CROCC2: variants seen among roughly 807,000 people sequenced by gnomAD.
The protein encoded by CROCC2 is ciliary rootlet coiled-coil, rootletin family member 2.
A neutral mutation model predicts 177.6 loss-of-function variants in CROCC2; 163 were observed. The observed-to-expected ratio is 0.92, with a 90% confidence interval of 0.81 to 1.05. The LOEUF (loss-of-function observed/expected upper bound fraction) is 1.05, where lower values mean the gene tolerates loss of function less well. Ranked by LOEUF, CROCC2 falls within the 50% of genes least tolerant of loss-of-function variation. The pLI, the probability that CROCC2 is intolerant of heterozygous loss-of-function variation, is 0.00. For missense variants in CROCC2, 1,929 were observed against 1,797.8 expected (o/e 1.07, Z -1.32); for synonymous variants, 904 against 787.3 (o/e 1.15, Z -2.48).
intron 14 of CROCC2, among the ~76,000 whole-genome samples, chr2:240,945,446 CT>C (rs1487949572): frequency 6.6e-6 from 1 of 152,198 alleles, no homozygotes; most frequent in Non-Finnish European, 1.5e-5. Flanking sequence ...GCTCTGAACC[CT>C]AACTTTTGTC....
In CROCC2 at chr2:240,959,459, T is replaced by C. The variant is rs915097309; in HGVS notation, c.3087+15T>C. The C allele has an allele frequency of 7.8e-6, 12 of 1,548,208 alleles. No individual in the cohort carries two copies. Among genetic ancestry groups the C allele is most frequent in the Non-Finnish European group, 1.0e-5 (12 of 1,145,862 alleles). On this transcript the variant is annotated intron_variant, in intron 20 of 31. Coordinates refer to ENST00000690015, the MANE Select transcript of CROCC2 (RefSeq NM_001351305.2). Reference sequence around the variant, plus strand: ...TGGAGAGAGAGGTGAGAGGCAGGGCTGGGGGGCTCCTGGGGATGCCAGAGG... The same window carrying C: ...TGGAGAGAGAGGTGAGAGGCAGGGCCGGGGGGCTCCTGGGGATGCCAGAGG...
chr2:240,920,233 G>A (rs985888279), intron 3 of CROCC2, 99 bp downstream of exon 3: 17 of 583,906 alleles, frequency 2.9e-5, no homozygotes, highest in African/African-American at 3.8e-5. Flanking sequence ...TGGGACCATC[G>A]GCAATTTCTA....
intron 27 of CROCC2, among the ~76,000 whole-genome samples, chr2:240,975,090 G>C (rs546792759): frequency 6.6e-6 from 1 of 152,276 alleles, no homozygotes; most frequent in African/African-American, 2.4e-5. Flanking sequence ...GATGTGTTTA[G>C]AGAATACTGG....
In CROCC2 at chr2:240,917,276, C is replaced by T. The variant is rs1444370023; in HGVS notation, c.79-1450C>T. 2.2e-5 allele frequency among the ~76,000 whole-genome samples: 3 copies of T among 136,170 alleles called. No individual in the cohort carries two copies. Among genetic ancestry groups the T allele is most frequent in the Non-Finnish European group, 3.0e-5 (2 of 67,734 alleles). The allele number at this position is 136,170 out of a possible 152,430, so 89.3% of individuals were successfully genotyped here. On this transcript the variant is annotated intron_variant, in intron 1 of 31. Transcript: ENST00000690015. The surrounding 1 kb of genome is among the most constrained non-coding windows in gnomAD (Gnocchi z 4.9). ...AGGCGCCATGCTGAGCCTGGGTCTG[C>T]GGTGACTCTCCAACCCCGGCGAGGG...
At chr2:240,986,704 C>T (rs960890699) in intron 28 of CROCC2, among the ~76,000 whole-genome samples, 1 of 152,226 alleles carries the variant, frequency 6.6e-6, no homozygotes, top group Non-Finnish European at 1.5e-5. Context: ...AGCCCCTTGT[C>T]CCTCTGCTGT....
In CROCC2 at chr2:240,933,670, G is replaced by C; in HGVS notation, c.1464G>C (p.Arg488Ser). 1 of 1,550,086 alleles carries C rather than the reference G, an allele frequency of 6.5e-7. No individual in the cohort carries two copies. The highest frequency in any genetic ancestry group is 8.7e-7 in the Non-Finnish European group (1 of 1,146,652). The change falls in exon 11 of 32, where the codon AGG becomes AGC. Residue 488 changes from arginine (R) to serine (S), a missense_variant and splice_region_variant. Transcript: ENST00000690015. ...QCRASCKLLG[R>S]EKAALEMVVE... Reference sequence around the variant, plus strand: ...CCAACTCTGCCCCCACCATCCCCAGGGAGAAGGCTGCTCTGGAGATGGTGG... The same window carrying C: ...CCAACTCTGCCCCCACCATCCCCAGCGAGAAGGCTGCTCTGGAGATGGTGG...
At chr2:240,955,595 G>T (rs562753444) in intron 18 of CROCC2, 1 of 447,586 alleles carries the variant, frequency 2.2e-6, no homozygotes. Flanking sequence ...CCCCAGGGAC[G>T]TGCCCAAGTG....
rs1387065306 is a variant in CROCC2, at chr2:240,973,180, CAT to C, written c.4401+4921_4401+4922del. 2.0e-5 allele frequency among the ~76,000 whole-genome samples: 3 copies of C among 152,224 alleles called. No homozygotes were observed. The highest frequency in any genetic ancestry group is 7.2e-5 in the African/African-American group (3 of 41,442). On this transcript the variant is annotated intron_variant, in intron 27 of 31. Transcript: ENST00000690015. This position sits in a 1 kb window ranked among gnomAD's most constrained non-coding sequence, Gnocchi z 4.7. ...TTGTCAAGAGAAAGTTAATTAAAAA[CAT>C]ATTTTTCTAATTAAATGGTAGGCTG...
intron 4 of CROCC2, among the ~76,000 whole-genome samples, chr2:240,923,003 G>A (rs2059366534): frequency 6.6e-6 from 1 of 152,092 alleles, no homozygotes; most frequent in Non-Finnish European, 1.5e-5. Context: ...GCCTCTGAGA[G>A]CGGCTCAGCA....
At chr2:240,967,999 C>T (rs2059694960) in intron 26 of CROCC2, 130 bp from the exon 27 acceptor site, 7 of 1,009,704 alleles carry the variant, frequency 6.9e-6, no homozygotes, top group African/African-American at 1.7e-5. Context: ...CCCCAGGACC[C>T]TTGAGCTGCA....
chr2:240,976,228 C>G (rs111922498), intron 27 of CROCC2, among the ~76,000 whole-genome samples: 7 of 123,632 alleles, frequency 5.7e-5, no homozygotes, highest in East Asian at 2.7e-4. Context: ...AGCCCAGGCT[C>G]ATCCCTGCTC....
chr2:240,946,196 A>T lies in CROCC2; in HGVS notation c.2306A>T (p.Lys769Met). 1 of 1,547,504 alleles carries T rather than the reference A, an allele frequency of 6.5e-7. No individual in the cohort carries two copies. The highest frequency in any genetic ancestry group is 8.7e-7 in the Non-Finnish European group (1 of 1,144,380). ...LSEERAQLLAKQEALERQGRL... is the reference protein window; with the variant it reads ...LSEERAQLLAMQEALERQGRL... ...GAGGAGCGGGCCCAGCTGCTGGCCA[A>T]GCAGGAGGCCTTGGAGAGGCAGGGC... The change falls in exon 15 of 32, where the codon AAG becomes ATG. Residue 769 changes from lysine to methionine, a missense_variant. By Grantham distance (95) the Lys-to-Met change is moderately conservative (BLOSUM62 -1). This residue lies in a region of CROCC2 where 1,397 missense variants were observed against 1,239.9 expected (regional missense o/e 1.13). Coordinates refer to ENST00000690015, the MANE Select transcript of CROCC2 (RefSeq NM_001351305.2).
intron 8 of CROCC2, 37 bp from the exon 9 acceptor site, chr2:240,932,665 C>A: frequency 1.4e-6 from 1 of 721,308 alleles, no homozygotes; most frequent in East Asian, 2.7e-5. Context: ...GCCCTGTGCT[C>A]TGGGCCCCTC....
rs2059538297 is a variant in CROCC2, at chr2:240,949,013, G to A, written c.2398G>A (p.Glu800Lys). 6.5e-7 allele frequency: 1 copy of A among 1,550,240 alleles called. No individual in the cohort carries two copies. Among genetic ancestry groups the A allele is most frequent in the African/African-American group, 1.4e-5 (1 of 73,180 alleles). ...GGACTCCCTGGAGAGCAGCCTCCTT[G>A]AGGCCCAACAGCTGGCCACAAAGCT... is the stretch of plus-strand genomic sequence containing the variant. The part of the protein sequence containing the change: ...ERDSLESSLL[E>K]AQQLATKLQE... Residue 800 changes from glutamate (E) to lysine (K), a missense_variant, in exon 16 of 32, where the codon GAG (glutamate) becomes AAG (lysine). Physicochemically the swap from Glu to Lys is moderately conservative, Grantham distance 56 (BLOSUM62 1). This residue lies in a region of CROCC2 where 1,397 missense variants were observed against 1,239.9 expected (regional missense o/e 1.13). Transcript: ENST00000690015. This position sits in a 1 kb window ranked among gnomAD's most constrained non-coding sequence, Gnocchi z 4.5.
At chr2:240,931,454 A>G (rs1176470279) in intron 7 of CROCC2, among the ~76,000 whole-genome samples, 1 of 152,202 alleles carries the variant, frequency 6.6e-6, no homozygotes, top group Non-Finnish European at 1.5e-5. Flanking sequence ...TTCTAGGGGC[A>G]AGAGCTCACC....
intron 24 of CROCC2, 94 bp downstream of exon 24, chr2:240,966,087 G>A: frequency 7.8e-7 from 1 of 1,276,220 alleles, no homozygotes. Flanking sequence ...ACACAGTGAG[G>A]GACTCGGACA....
rs575765869 is a variant in CROCC2, at chr2:240,922,575, C to T, written c.418C>T (p.Arg140Trp). The T allele has an allele frequency of 7.2e-6, 5 of 695,408 alleles. No homozygotes were observed. Among genetic ancestry groups the T allele is most frequent in the Middle Eastern group, 2.3e-4 (1 of 4,292 alleles). 43.1% of individuals were successfully genotyped at this position (695,408 alleles called of 1,614,324 possible). ...GCTGGAGACCACCGAGGCTCAGCTG[C>T]GGAGGTCAGAGCTGGAGCACAGCGT... is the stretch of plus-strand genomic sequence containing the variant. ...ARLETTEAQL[R>W]RSELEHSVDL... Residue 140 changes from arginine (R) to tryptophan (W), a missense_variant, in exon 4 of 32, where the codon CGG becomes TGG. This residue lies in a region of CROCC2 where 1,397 missense variants were observed against 1,239.9 expected (regional missense o/e 1.13). Transcript: ENST00000690015.
rs1482106582 is a variant in CROCC2 at position 240,989,003 on chromosome 2, C to T, written c.4683+133C>T. ...ACACGTGCACACATGGGGAGGGTGG[C>T]TGGACCAGCTTCTGCATGTGATGGA... On this transcript the variant is annotated intron_variant, in intron 29 of 31. Coordinates refer to ENST00000690015, the MANE Select transcript of CROCC2 (RefSeq NM_001351305.2). 7.2e-6 allele frequency: 7 copies of T among 974,974 alleles called. No homozygotes were observed. In the East Asian group the frequency reaches 1.9e-4, roughly 27 times the overall value. The allele number at this position is 974,974 out of a possible 1,614,324, so 60.4% of individuals were successfully genotyped here.
rs201425416 is a variant in CROCC2, at chr2:240,941,094, CA to C, written c.2170-4957del. ...AATTCAACCCCTTTCACAATAGATG[CA>C]AAAAAAAATACTTAGGAATATGCCT... is the stretch of plus-strand genomic sequence containing the variant. On this transcript the variant is annotated intron_variant, in intron 14 of 31. Coordinates refer to ENST00000690015, the MANE Select transcript of CROCC2 (RefSeq NM_001351305.2). 2.0e-4 allele frequency among the ~76,000 whole-genome samples: 30 copies of C among 149,094 alleles called. No individual in the cohort carries two copies. The East Asian group carries it at 2.1e-3, about 11-fold the overall frequency.
Sources: gnomAD v4.1 joint callset for allele counts (sites outside exome capture counted in the v4.1 genomes callset) on GRCh38, gnomAD v4.1.1 for gene constraint, gnomAD v4.1.1 regional missense constraint, Gnocchi (gnomAD v3.1) non-coding constraint, MANE v1.5 for transcripts, NCBI Gene and HGNC (gene_info 2026-07-23, HGNC 2026-07-21) for gene names.